USP42: variants seen among roughly 807,000 people sequenced by gnomAD.
USP42 encodes ubiquitin carboxyl-terminal hydrolase 42.
In USP42, 23 loss-of-function variants were observed where a neutral mutation model predicts 113.0. The ratio of observed to expected loss-of-function variants is 0.20; its 90% CI spans 0.15 to 0.29. USP42 has a LOEUF of 0.29. Among genes scored for constraint, USP42 ranks in the 10% least tolerant of loss-of-function variants. USP42 has a pLI of 1.00. For missense variants in USP42, 2,174 were observed against 1,779.8 expected (o/e 1.22, Z -3.99); for synonymous variants, 933 against 699.0 (o/e 1.33, Z -5.28).
the USP42 span, among the ~76,000 whole-genome samples, chr7:6,085,618 A>T: frequency 0.021 from 2,793 of 135,662 alleles, 183 homozygotes; most frequent in East Asian, 0.064. Flanking sequence ...ATATATATAT[A>T]TATATATTTT....
intron 1 of USP42, 50 bp from the exon 2 acceptor site, chr7:6,111,075 A>T (rs1779572807): frequency 6.4e-7 from 1 of 1,559,218 alleles, no homozygotes; most frequent in African/African-American, 1.4e-5. Flanking sequence ...GGGTAAGGAG[A>T]TTGCTTTTCT....
At chr7:6,126,680 C>A (rs150368729) in intron 3 of USP42, among the ~76,000 whole-genome samples, 1 of 152,032 alleles carries the variant, frequency 6.6e-6, no homozygotes, top group Non-Finnish European at 1.5e-5. Flanking sequence ...GTAAACACAT[C>A]TAGGTTGTTT....
At chr7:6,095,708 A>T in the USP42 span, among the ~76,000 whole-genome samples, 3 of 151,034 alleles carry the variant, frequency 2.0e-5, 1 homozygote, top group African/African-American at 7.4e-5. Flanking sequence ...TTGGGGCAGG[A>T]CTTGGAAAAT....
chr7:6,135,885 A>G lies in USP42; in HGVS notation c.487A>G (p.Ile163Val). The G allele has an allele frequency of 1.2e-6, 2 of 1,609,302 alleles. No homozygotes were observed. Among genetic ancestry groups the G allele is most frequent in the Non-Finnish European group, 1.7e-6 (2 of 1,178,268 alleles). Residue 163 changes from isoleucine to valine, a missense_variant, in exon 4 of 18, where the codon ATT becomes GTT. Ile to Val is a conservative substitution (Grantham distance 29). Transcript: ENST00000306177. ...TATGATGTGTACAATGCAAGCACAT[A>G]TTACCCAGGCACTCAGTAATCCTGG... is the stretch of plus-strand genomic sequence containing the variant. Reference protein sequence around the residue: ...FCMMCTMQAHITQALSNPGDV... With the variant: ...FCMMCTMQAHVTQALSNPGDV...
chr7:6,112,084 A>C (rs1562801940), intron 2 of USP42: 1 of 152,160 alleles, frequency 6.6e-6, no homozygotes, highest in African/African-American at 2.4e-5. Flanking sequence ...AGCTTTACCC[A>C]GTTTTTTTTG....
At chr7:6,142,495 C>T (rs536379680) in intron 7 of USP42, among the ~76,000 whole-genome samples, 15 of 152,226 alleles carry the variant, frequency 9.9e-5, no homozygotes, top group African/African-American at 3.6e-4. Flanking sequence ...GGATTACAGG[C>T]GTGAGCCACC....
At chr7:6,132,284 C>CATGTATTATTT (rs1780892429) in intron 3 of USP42, among the ~76,000 whole-genome samples, 2 of 152,180 alleles carry the variant, frequency 1.3e-5, no homozygotes, top group South Asian at 4.1e-4. Flanking sequence ...CTGTGCTGTG[C>CATGTATTATTT]CTGATAAGAA....
Position 6,154,974 on chromosome 7 carries a change from A to G in USP42, c.3420A>G (p.Val1140=). The part of the protein sequence containing the change: ...DRFSHDRTAL[V]AGDNCNLSDR... ...TCTCCCACGACAGAACTGCACTTGT[A>G]GCCGGAGACAACTGTAACCTCTCTG... The change falls in exon 15 of 18, where the codon GTA becomes GTG. Residue 1140 remains valine, a synonymous_variant. Transcript: ENST00000306177. 6 of 1,561,876 alleles carry G rather than the reference A, an allele frequency of 3.8e-6. No homozygotes were observed. The highest frequency in any genetic ancestry group is 5.2e-6 in the Non-Finnish European group (6 of 1,152,628).
intron 4 of USP42, among the ~76,000 whole-genome samples, chr7:6,138,356 T>G (rs1376165500): frequency 1.3e-5 from 2 of 152,184 alleles, no homozygotes; most frequent in Admixed American, 6.5e-5. Flanking sequence ...CTGTAGGTCA[T>G]TGGGATAGAA....
chr7:6,140,479 G>T (rs540028171), intron 6 of USP42, among the ~76,000 whole-genome samples: 1 of 150,852 alleles, frequency 6.6e-6, no homozygotes, highest in African/African-American at 2.5e-5. Context: ...AACAGCCTTC[G>T]ACAGTTGGAG....
At chr7:6,114,379 A>G (rs118030196) in intron 2 of USP42, among the ~76,000 whole-genome samples, 57 of 152,180 alleles carry the variant, frequency 3.7e-4, no homozygotes, top group Non-Finnish European at 6.8e-4. Flanking sequence ...AGTAATTATA[A>G]TGAACTCTCA....
At chr7:6,117,359 A>G (rs188113576) in intron 3 of USP42, among the ~76,000 whole-genome samples, 326 of 152,304 alleles carry the variant, frequency 2.1e-3, no homozygotes, top group Non-Finnish European at 3.3e-3. Flanking sequence ...ACATTATTCC[A>G]TTTGTGCCAT....
chr7:6,104,579 G>T (rs1302973106), upstream of USP42, among the ~76,000 whole-genome samples: 1 of 152,208 alleles, frequency 6.6e-6, no homozygotes, highest in Admixed American at 6.5e-5. Flanking sequence ...AGCGCAGGAC[G>T]AGGCGAAAGC....
chr7:6,100,968 G>T (rs1050280888), upstream of USP42, among the ~76,000 whole-genome samples: 2 of 150,960 alleles, frequency 1.3e-5, no homozygotes, highest in African/African-American at 5.0e-5. Flanking sequence ...GAGCCTGGCT[G>T]GTACCCACTG....
rs535249063 is a variant in USP42, at chr7:6,150,785, C to T, written c.2201+279C>T. ...TCTCTGGTTAGCGGTGTTACTGGCA[C>T]GCCTTCAAGTGCCATCTCATTTCAT... On this transcript the variant is annotated intron_variant, in intron 14 of 17. Coordinates refer to ENST00000306177, the MANE Select transcript of USP42 (RefSeq NM_032172.3). Among the ~76,000 whole-genome samples the T allele has an allele frequency of 1.1e-4, 16 of 152,312 alleles. No homozygotes were observed. In the South Asian group the frequency reaches 1.4e-3, roughly 14 times the overall value.
the USP42 span, among the ~76,000 whole-genome samples, chr7:6,096,115 G>T: frequency 1.3e-5 from 2 of 151,024 alleles, no homozygotes; most frequent in African/African-American, 4.9e-5. Context: ...CTGGGCAGAT[G>T]TTCGTGTTTT....
Position 6,153,991 on chromosome 7 carries a change from A to C in USP42, c.2437A>C (p.Thr813Pro), listed in dbSNP as rs764275767. The C allele has an allele frequency of 6.2e-7, 1 of 1,600,026 alleles. No individual in the cohort carries two copies. The highest frequency in any genetic ancestry group is 1.3e-5 in the African/African-American group (1 of 74,910). ...CGCCGGCGAGGACATCGTGGGGGAC[A>C]CAGCACCCCCTGACCTGTGTGATCC... ...PSAGEDIVGD[T>P]APPDLCDPGS... The change falls in exon 15 of 18, where the codon ACA (threonine) becomes CCA (proline). Residue 813 changes from threonine to proline, a missense_variant. Coordinates refer to ENST00000306177, the MANE Select transcript of USP42 (RefSeq NM_032172.3).
intron 2 of USP42, among the ~76,000 whole-genome samples, chr7:6,112,680 T>C (rs1045003377): frequency 6.6e-6 from 1 of 152,124 alleles, no homozygotes; most frequent in African/African-American, 2.4e-5. Context: ...CAGCTTTGAA[T>C]GCAGCCCAAC....
At chr7:6,122,901 G>A (rs527385127) in intron 3 of USP42, among the ~76,000 whole-genome samples, 6 of 151,772 alleles carry the variant, frequency 4.0e-5, no homozygotes, top group South Asian at 2.1e-4. Context: ...TTGGTTCGCC[G>A]CAGCCTCCAC....
Sources: allele counts gnomAD v4.1 joint callset (sites outside exome capture counted in the v4.1 genomes callset), GRCh38; gene constraint gnomAD v4.1.1; transcripts MANE v1.5; gene names NCBI Gene and HGNC (gene_info 2026-07-23, HGNC 2026-07-21).